The following PTPRD variants were observed in gnomAD, a reference collection of about 807,000 sequenced individuals.
The protein encoded by PTPRD is receptor-type tyrosine-protein phosphatase delta.
A neutral mutation model predicts 214.5 loss-of-function variants in PTPRD; 34 were observed. That is an observed-to-expected ratio of 0.16 (90% confidence interval 0.12 to 0.21). The LOEUF (loss-of-function observed/expected upper bound fraction) is 0.21. Among genes scored for constraint, PTPRD ranks in the 10% least tolerant of loss-of-function variants. The pLI, the probability that PTPRD is intolerant of heterozygous loss-of-function variation, is 1.00. For synonymous variants in PTPRD, 1,128 were observed against 845.7 expected (o/e 1.33, Z -5.79); for missense variants, 2,545 against 2,398.7 (o/e 1.06, Z -1.27).
At chr9:9,072,810 A>AT (rs1368309274) in intron 10 of PTPRD, among the ~76,000 whole-genome samples, 4 of 152,148 alleles carry the variant, frequency 2.6e-5, no homozygotes, top group African/African-American at 9.7e-5. Context: ...ATGGAGTCAC[A>AT]TTTTGCCTTG....
chr9:10,195,567 A>T (rs1241643042), intron 3 of PTPRD, among the ~76,000 whole-genome samples: 1 of 152,134 alleles, frequency 6.6e-6, no homozygotes, highest in Non-Finnish European at 1.5e-5. Flanking sequence ...AATAGGCCAG[A>T]CGCCGTGGCT....
At chr9:8,513,831 A>G (rs1170397094) in intron 21 of PTPRD, among the ~76,000 whole-genome samples, 1 of 152,098 alleles carries the variant, frequency 6.6e-6, no homozygotes, top group African/African-American at 2.4e-5. Flanking sequence ...GAACAGATCA[A>G]ATCATTGTGC....
At chr9:8,518,474 A>G (rs759062252) in intron 20 of PTPRD, 45 bp from the exon 21 acceptor site, 1 of 1,314,782 alleles carries the variant, frequency 7.6e-7, no homozygotes, top group Admixed American at 2.3e-5. Context: ...CATCATCCCT[A>G]TAATATTTCA....
chr9:10,257,382 G>T (rs1333613189), intron 3 of PTPRD, among the ~76,000 whole-genome samples: 2 of 152,056 alleles, frequency 1.3e-5, no homozygotes, highest in Non-Finnish European at 2.9e-5. Flanking sequence ...GGCTCCCAGG[G>T]GCTATGGCAA....
intron 11 of PTPRD, among the ~76,000 whole-genome samples, chr9:8,943,362 T>G (rs1213109292): frequency 6.6e-6 from 1 of 151,808 alleles, no homozygotes; most frequent in South Asian, 2.1e-4. Context: ...TCAAATAACC[T>G]GACTTCAAAT....
At chr9:10,432,269 C>G (rs1565996686) in intron 2 of PTPRD, among the ~76,000 whole-genome samples, 1 of 119,762 alleles carries the variant, frequency 8.3e-6, no homozygotes, top group African/African-American at 3.3e-5. Context: ...GGGAATATCA[C>G]ACTCTGGGGA....
At chr9:10,495,435 T>C (rs2041775763) in intron 2 of PTPRD, among the ~76,000 whole-genome samples, 1 of 151,814 alleles carries the variant, frequency 6.6e-6, no homozygotes, top group Admixed American at 6.6e-5. Flanking sequence ...GGTGATAGTA[T>C]TTCTCACCTA....
rs182456634 is a variant in PTPRD, at chr9:9,955,597, A to C, written c.-471-16987T>G. On this transcript the variant is annotated intron_variant, in intron 4 of 45. Transcript: ENST00000381196. ...TGAGTATAGTGGCACGATCTTGGCT[A>C]ACTGCAAGCTCCGCCTCCCAGGTTC... 1.3e-3 allele frequency among the ~76,000 whole-genome samples: 201 copies of C among 149,870 alleles called. 1 individual carries two copies. Among genetic ancestry groups the C allele is most frequent in the South Asian group, 4.6e-3 (22 of 4,756 alleles).
chr9:9,750,914 G>C (rs1425033077), intron 6 of PTPRD, among the ~76,000 whole-genome samples: 1 of 152,028 alleles, frequency 6.6e-6, no homozygotes, highest in African/African-American at 2.4e-5. Context: ...GGCAGAACAA[G>C]ATTAATGAGC....
chr9:8,407,972 T>C (rs555883436), intron 35 of PTPRD, among the ~76,000 whole-genome samples: 5 of 152,316 alleles, frequency 3.3e-5, no homozygotes, highest in African/African-American at 1.2e-4. Context: ...AAAAAATACA[T>C]AAAACTGGTT....
At chr9:10,410,034 T>A (rs946297488) in intron 2 of PTPRD, among the ~76,000 whole-genome samples, 1 of 151,562 alleles carries the variant, frequency 6.6e-6, no homozygotes, top group African/African-American at 2.4e-5. Context: ...TATTGTTGCA[T>A]CAAGCCACGA....
intron 10 of PTPRD, among the ~76,000 whole-genome samples, chr9:9,044,207 A>T (rs967662886): frequency 2.6e-5 from 4 of 152,224 alleles, no homozygotes; most frequent in Non-Finnish European, 4.4e-5. Flanking sequence ...ATTGCTAAGG[A>T]ATGGCAGAAA....
At chr9:9,003,199 A>T (rs1439176408) in intron 11 of PTPRD, among the ~76,000 whole-genome samples, 2 of 151,998 alleles carry the variant, frequency 1.3e-5, no homozygotes, top group Non-Finnish European at 2.9e-5. Context: ...AGCTGGCCTT[A>T]CTTGAAAGTA....
intron 2 of PTPRD, among the ~76,000 whole-genome samples, chr9:10,602,000 C>T (rs1327965256): frequency 6.6e-6 from 1 of 151,760 alleles, no homozygotes; most frequent in Non-Finnish European, 1.5e-5. Flanking sequence ...TCTTTCACAC[C>T]TGAAAGGAAG....
intron 10 of PTPRD, among the ~76,000 whole-genome samples, chr9:9,035,184 A>C (rs997228558): frequency 1.3e-5 from 2 of 152,100 alleles, no homozygotes; most frequent in African/African-American, 2.4e-5. Flanking sequence ...TGAATGAAAA[A>C]AGAAATCTTT....
chr9:8,842,193 G>A (rs934158365), intron 11 of PTPRD, among the ~76,000 whole-genome samples: 3 of 152,026 alleles, frequency 2.0e-5, no homozygotes, highest in Non-Finnish European at 4.4e-5. Flanking sequence ...GGAGGTGACA[G>A]AAATTTATAA....
At chr9:10,434,960 G>C (rs571483318) in intron 2 of PTPRD, among the ~76,000 whole-genome samples, 3 of 151,728 alleles carry the variant, frequency 2.0e-5, no homozygotes, top group Admixed American at 6.6e-5. Context: ...ATGCTACCCC[G>C]AGCGCTGGAC....
intron 3 of PTPRD, among the ~76,000 whole-genome samples, chr9:10,189,597 T>C (rs138565531): frequency 7.4e-4 from 113 of 152,268 alleles, no homozygotes; most frequent in African/African-American, 2.6e-3. Context: ...TTGTAGCATG[T>C]TTTGCAATGT....
intron 9 of PTPRD, among the ~76,000 whole-genome samples, chr9:9,235,872 G>C (rs550111426): frequency 6.6e-5 from 10 of 152,072 alleles, no homozygotes; most frequent in Admixed American, 1.3e-4. Flanking sequence ...TGTTGTTGTT[G>C]TTTGGCCATG....
Sources: gnomAD v4.1 joint callset for allele counts (sites outside exome capture counted in the v4.1 genomes callset) on GRCh38, gnomAD v4.1.1 for gene constraint, MANE v1.5 for transcripts, NCBI Gene and HGNC (gene_info 2026-07-23, HGNC 2026-07-21) for gene names.